The following BCAP29 variants were observed in gnomAD, a reference collection of about 807,000 sequenced individuals.
BCAP29 encodes B-cell receptor-associated protein 29.
Under a neutral mutation model 31.8 loss-of-function variants are expected in BCAP29, and 34 were observed. That is an observed-to-expected ratio of 1.07 (90% CI 0.81 to 1.42). The LOEUF is 1.42. Among genes scored for constraint, BCAP29 ranks in the 40% most tolerant of loss-of-function variants. The pLI is 0.00. For missense variants in BCAP29, 314 were observed against 269.2 expected (o/e 1.17, Z -1.16); for synonymous variants, 104 against 91.3 (o/e 1.14, Z -0.79).
intron 6 of BCAP29, among the ~76,000 whole-genome samples, chr7:107,608,085 AG>A (rs759816921): frequency 1.3e-5 from 2 of 152,026 alleles, no homozygotes; most frequent in African/African-American, 2.4e-5. Flanking sequence ...GTGCTTGTCT[AG>A]TTTCTGAACT....
intron 6 of BCAP29, among the ~76,000 whole-genome samples, chr7:107,602,420 G>A (rs1448800216): frequency 6.6e-6 from 1 of 152,152 alleles, no homozygotes; most frequent in African/African-American, 2.4e-5. Context: ...TGATTTGGAT[G>A]AATTCAGTGG....
chr7:107,589,777 G>A (rs1331778368), intron 3 of BCAP29, among the ~76,000 whole-genome samples: 2 of 152,146 alleles, frequency 1.3e-5, no homozygotes, highest in African/African-American at 4.8e-5. Context: ...ACAAAGGATT[G>A]AAGTCCTACC....
chr7:107,616,842 G>T (rs149288240), intron 7 of BCAP29, among the ~76,000 whole-genome samples: 2 of 152,152 alleles, frequency 1.3e-5, no homozygotes, highest in Non-Finnish European at 2.9e-5. Flanking sequence ...CAATTTAATC[G>T]ATTCTTGTGC....
intron 3 of BCAP29, among the ~76,000 whole-genome samples, chr7:107,584,479 C>A (rs1333567185): frequency 2.0e-5 from 3 of 152,234 alleles, no homozygotes; most frequent in Admixed American, 1.3e-4. Flanking sequence ...GAGGCCAAGG[C>A]GGGAGGATTG....
chr7:107,599,834 A>C (rs965240000), intron 5 of BCAP29, among the ~76,000 whole-genome samples: 2 of 152,214 alleles, frequency 1.3e-5, no homozygotes, highest in Non-Finnish European at 2.9e-5. Flanking sequence ...TCAATTTTAA[A>C]ATATAAAGAG....
intron 6 of BCAP29, among the ~76,000 whole-genome samples, chr7:107,609,422 C>T (rs1022388266): frequency 2.6e-5 from 4 of 152,126 alleles, no homozygotes; most frequent in South Asian, 2.1e-4. Flanking sequence ...GAGAAATCCA[C>T]TTAATAATCT....
At chr7:107,613,803 A>T (rs1370795891) in intron 7 of BCAP29, 14 of 1,123,876 alleles carry the variant, frequency 1.2e-5, no homozygotes, top group Non-Finnish European at 1.2e-5. Context: ...GTTCCACATC[A>T]CACTACTCTT....
intron 6 of BCAP29, among the ~76,000 whole-genome samples, chr7:107,611,135 C>T (rs7798824): frequency 0.025 from 3,778 of 152,248 alleles, 150 homozygotes; most frequent in African/African-American, 0.086. Flanking sequence ...GCACGAATCC[C>T]ATTAATGAGG....
intron 2 of BCAP29, 58 bp downstream of exon 2, chr7:107,580,922 G>T: frequency 7.5e-7 from 1 of 1,337,026 alleles, no homozygotes. Flanking sequence ...ATGTAAAATG[G>T]AAAAAGTTTT....
intron 6 of BCAP29, among the ~76,000 whole-genome samples, chr7:107,607,786 C>A (rs1253802144): frequency 2.0e-5 from 3 of 151,830 alleles, no homozygotes; most frequent in Non-Finnish European, 2.9e-5. Flanking sequence ...ATTACAGGCA[C>A]ACACCACCAT....
At chr7:107,604,856 G>C (rs2129270600) in intron 6 of BCAP29, among the ~76,000 whole-genome samples, 1 of 151,008 alleles carries the variant, frequency 6.6e-6, no homozygotes, top group East Asian at 1.9e-4. Context: ...TAGTTTATTT[G>C]ATGGTTGTGC....
chr7:107,588,897 A>G (rs901771847), intron 3 of BCAP29, among the ~76,000 whole-genome samples: 3 of 152,234 alleles, frequency 2.0e-5, no homozygotes, highest in Admixed American at 2.0e-4. Flanking sequence ...AACAGCCAGC[A>G]AAAAGCAGCA....
At chr7:107,583,584 A>G (rs1463469674) in intron 2 of BCAP29, among the ~76,000 whole-genome samples, 2 of 152,128 alleles carry the variant, frequency 1.3e-5, no homozygotes, top group Non-Finnish European at 2.9e-5. Context: ...TATCAACAAT[A>G]TAATATTTTA....
At chr7:107,594,223 C>T in intron 4 of BCAP29, 118 bp downstream of exon 4, 2 of 936,670 alleles carry the variant, frequency 2.1e-6, no homozygotes, top group Non-Finnish European at 3.1e-6. Flanking sequence ...ACCTTTCGCT[C>T]TGTTGCCCAG....
intron 6 of BCAP29, among the ~76,000 whole-genome samples, chr7:107,603,690 C>T (rs947039764): frequency 1.3e-5 from 2 of 149,742 alleles, no homozygotes; most frequent in South Asian, 4.2e-4. Flanking sequence ...ACTGCAACCT[C>T]GAACTCCTGG....
intron 7 of BCAP29, chr7:107,615,143 C>G: frequency 2.2e-6 from 1 of 450,814 alleles, no homozygotes; most frequent in South Asian, 1.6e-5. Context: ...TGTTGAATGT[C>G]TCCATTGTTG....
At chr7:107,617,135 A>C (rs1406818828) in intron 7 of BCAP29, among the ~76,000 whole-genome samples, 1 of 152,204 alleles carries the variant, frequency 6.6e-6, no homozygotes, top group East Asian at 1.9e-4. Context: ...AAAAAGCTCT[A>C]TCAAATTGTC....
intron 7 of BCAP29, among the ~76,000 whole-genome samples, chr7:107,614,997 C>T (rs761208762): frequency 6.6e-6 from 1 of 152,188 alleles, no homozygotes; most frequent in African/African-American, 2.4e-5. Context: ...TTAGGGTTTA[C>T]TCAGCCAGGT....
chr7:107,615,440 CAAA>C, intron 7 of BCAP29: 3 of 384,948 alleles, frequency 7.8e-6, no homozygotes, highest in Non-Finnish European at 1.6e-5. Flanking sequence ...ACTAAAAATA[CAAA>C]AAATTAGCCG....
Sources: allele counts gnomAD v4.1 joint callset (sites outside exome capture counted in the v4.1 genomes callset), GRCh38; gene constraint gnomAD v4.1.1; transcripts MANE v1.5; gene names NCBI Gene and HGNC (gene_info 2026-07-23, HGNC 2026-07-21).